GRAMD1B: variants seen among roughly 807,000 people sequenced by gnomAD.
GRAMD1B encodes the protein protein Aster-B.
A neutral mutation model predicts 99.7 loss-of-function variants in GRAMD1B; 37 were observed. That is an observed-to-expected ratio of 0.37 (90% confidence interval 0.29 to 0.49). GRAMD1B has a LOEUF of 0.49. Ranked by LOEUF, GRAMD1B falls within the 20% of genes least tolerant of loss-of-function variation. GRAMD1B has a pLI of 0.98. For synonymous variants in GRAMD1B, 427 were observed against 387.6 expected, an observed-to-expected ratio of 1.10 and a Z score of -1.19; for missense variants, 888 against 1,009.2, an observed-to-expected ratio of 0.88 and a Z score of 1.63.
At chr11:123,517,152 T>TCAAA (rs1941748303) in intron 2 of GRAMD1B, among the ~76,000 whole-genome samples, 2 of 152,224 alleles carry the variant, frequency 1.3e-5, no homozygotes, top group Admixed American at 1.3e-4. Context: ...ACTCCTGACC[T>TCAAA]CAAATGATCC....
intron 1 of GRAMD1B, among the ~76,000 whole-genome samples, chr11:123,372,145 A>T (rs967760635): frequency 3.9e-5 from 6 of 152,258 alleles, no homozygotes; most frequent in Admixed American, 2.6e-4. Context: ...TTATTACAGT[A>T]GGAGACTAAA....
intron 2 of GRAMD1B, chr11:123,526,096 A>G: frequency 2.0e-6 from 3 of 1,535,192 alleles, no homozygotes; most frequent in South Asian, 2.3e-5. Flanking sequence ...GGACCTCCGG[A>G]GCTGTAACGG....
At chr11:123,424,267 A>G (rs1363510358) in intron 1 of GRAMD1B, among the ~76,000 whole-genome samples, 2 of 151,754 alleles carry the variant, frequency 1.3e-5, no homozygotes, top group Non-Finnish European at 2.9e-5. Flanking sequence ...AAAAAAAAAA[A>G]AAAGAAAAAA....
chr11:123,394,010 G>T (rs1320280308), intron 1 of GRAMD1B, among the ~76,000 whole-genome samples: 1 of 152,026 alleles, frequency 6.6e-6, no homozygotes, highest in African/African-American at 2.4e-5. Context: ...ACTCTGAAAA[G>T]GTCATCCTTA....
chr11:123,449,982 C>G (rs1949813312), intron 1 of GRAMD1B, among the ~76,000 whole-genome samples: 1 of 152,090 alleles, frequency 6.6e-6, no homozygotes, highest in African/African-American at 2.4e-5. Context: ...CTCAGCCTCC[C>G]AATGTGTTGG....
intron 2 of GRAMD1B, among the ~76,000 whole-genome samples, chr11:123,486,438 A>G (rs1937779822): frequency 6.6e-6 from 1 of 151,996 alleles, no homozygotes; most frequent in Admixed American, 6.6e-5. Flanking sequence ...GGTCCCAGCT[A>G]CTTGGGAGGC....
At chr11:123,380,351 T>A (rs967950372) in intron 1 of GRAMD1B, among the ~76,000 whole-genome samples, 1 of 152,210 alleles carries the variant, frequency 6.6e-6, no homozygotes, top group Non-Finnish European at 1.5e-5. Context: ...AAAAAGCAAG[T>A]TGTATGACAT....
intron 1 of GRAMD1B, among the ~76,000 whole-genome samples, chr11:123,383,042 G>C (rs1946936665): frequency 6.6e-6 from 1 of 152,114 alleles, no homozygotes; most frequent in South Asian, 2.1e-4. Flanking sequence ...GGGGCTGTGG[G>C]GCTGTGTAGC....
At chr11:123,386,931 C>G (rs1947084435) in intron 1 of GRAMD1B, among the ~76,000 whole-genome samples, 1 of 152,228 alleles carries the variant, frequency 6.6e-6, no homozygotes, top group Non-Finnish European at 1.5e-5. Flanking sequence ...AAGATGACAT[C>G]AGCCTCTGTC....
chr11:123,526,155 G>A (rs752907684), intron 2 of GRAMD1B: 1 of 1,613,340 alleles, frequency 6.2e-7, no homozygotes, highest in South Asian at 1.1e-5. Flanking sequence ...ACTAATGAAA[G>A]GATTCAAGCT....
intron 1 of GRAMD1B, among the ~76,000 whole-genome samples, chr11:123,478,632 T>G (rs1387327491): frequency 1.3e-5 from 2 of 152,206 alleles, no homozygotes; most frequent in Non-Finnish European, 2.9e-5. Flanking sequence ...ATTATTTTTC[T>G]GAAATCCTGG....
chr11:123,403,201 G>A (rs945204110), intron 1 of GRAMD1B, among the ~76,000 whole-genome samples: 3 of 151,968 alleles, frequency 2.0e-5, no homozygotes, highest in African/African-American at 7.2e-5. Context: ...GAGGCTGGTG[G>A]ATCACTTGAG....
intron 1 of GRAMD1B, among the ~76,000 whole-genome samples, chr11:123,406,965 T>C (rs1056461166): frequency 6.6e-6 from 1 of 152,248 alleles, no homozygotes; most frequent in Non-Finnish European, 1.5e-5. Flanking sequence ...TCCCTGCACC[T>C]GTGGTATTTA....
intron 1 of GRAMD1B, among the ~76,000 whole-genome samples, chr11:123,422,285 G>A (rs1948468953): frequency 6.6e-6 from 1 of 152,178 alleles, no homozygotes; most frequent in Admixed American, 6.5e-5. Flanking sequence ...ATTTCATTGA[G>A]GCAAGAGTTC....
chr11:123,615,565 G>C (rs1373705223), intron 17 of GRAMD1B, among the ~76,000 whole-genome samples: 1 of 152,194 alleles, frequency 6.6e-6, no homozygotes, highest in Admixed American at 6.5e-5. Flanking sequence ...GGCGCCTGTA[G>C]TCCCAGCTAC....
chr11:123,522,933 A>G (rs1942337828), intron 2 of GRAMD1B, among the ~76,000 whole-genome samples: 1 of 152,200 alleles, frequency 6.6e-6, no homozygotes, highest in African/African-American at 2.4e-5. Flanking sequence ...GAGATTTTTT[A>G]TAAACATACA....
At chr11:123,420,860 A>G (rs2136024342) in intron 1 of GRAMD1B, among the ~76,000 whole-genome samples, 2 of 152,338 alleles carry the variant, frequency 1.3e-5, no homozygotes, top group Admixed American at 1.3e-4. Flanking sequence ...AAAAAATAAC[A>G]CTTACCTCAC....
At chr11:123,384,736 C>T (rs1266187934) in intron 1 of GRAMD1B, among the ~76,000 whole-genome samples, 4 of 152,204 alleles carry the variant, frequency 2.6e-5, no homozygotes, top group Non-Finnish European at 5.9e-5. Context: ...TGCTTCTCAA[C>T]TATATCCTCC....
At chr11:123,491,475 C>G (rs1938553825) in intron 2 of GRAMD1B, among the ~76,000 whole-genome samples, 1 of 152,142 alleles carries the variant, frequency 6.6e-6, no homozygotes, top group Non-Finnish European at 1.5e-5. Context: ...TCCCCTTCCC[C>G]CAGCACCAGC....
Sources: gnomAD v4.1 joint callset for allele counts (sites outside exome capture counted in the v4.1 genomes callset) on GRCh38, gnomAD v4.1.1 for gene constraint, MANE v1.5 for transcripts, NCBI Gene and HGNC (gene_info 2026-07-23, HGNC 2026-07-21) for gene names.